Variants in RAPGEF5 observed in about 807,000 individuals in gnomAD.
RAPGEF5 encodes M-Ras-regulated GEF.
In RAPGEF5, 65 loss-of-function variants were observed where a neutral mutation model predicts 125.2. The observed-to-expected ratio is 0.52, with a 90% CI of 0.43 to 0.64. The LOEUF (loss-of-function observed/expected upper bound fraction) is 0.64, where lower values mean the gene tolerates loss of function less well. Ranked by LOEUF, RAPGEF5 falls within the 30% of genes least tolerant of loss-of-function variation. RAPGEF5 has a pLI of 0.00. For synonymous variants in RAPGEF5, 391 were observed against 385.9 expected, an observed-to-expected ratio of 1.01 and a Z score of -0.16; for missense variants, 958 against 1,048.1, an observed-to-expected ratio of 0.91 and a Z score of 1.19.
rs1387989119 is a variant in RAPGEF5, at chr7:22,318,037, T to C, written c.232A>G (p.Thr78Ala). ...RRKRSAAGGR[T>A]LSRRISNPYL... is the part of the protein sequence containing the mutation. Reference sequence around the variant, plus strand: ...GGATTAGATATTCTTCTTGATAGAGTCTATTTTAAACAAAGAAAAAAAAAA... The same window carrying C: ...GGATTAGATATTCTTCTTGATAGAGCCTATTTTAAACAAAGAAAAAAAAAA... Residue 78 changes from threonine to alanine, a missense_variant and splice_region_variant, in exon 2 of 26, where the codon ACT (threonine) becomes GCT (alanine). By Grantham distance (58) the Thr-to-Ala change is moderately conservative. Coordinates refer to ENST00000665637, the MANE Select transcript of RAPGEF5 (RefSeq NM_012294.5). The C allele has an allele frequency of 2.0e-6, 3 of 1,533,248 alleles. No individual in the cohort carries two copies. The East Asian group carries it at 7.4e-5, about 38-fold the overall frequency. The allele number at this position is 1,533,248 out of a possible 1,614,324, so 95.0% of individuals were successfully genotyped here. A position where few individuals can be genotyped will look rare whatever the true frequency, so the allele number is the denominator to read the frequency against.
At chr7:22,248,311 T>C (rs998756128) in intron 7 of RAPGEF5, among the ~76,000 whole-genome samples, 1 of 152,202 alleles carries the variant, frequency 6.6e-6, no homozygotes, top group Admixed American at 6.5e-5. Flanking sequence ...GGAGGCCTGT[T>C]ATAAACAAAA....
Position 22,287,622 on chromosome 7 carries a change from A to T in RAPGEF5, c.747+3553T>A, listed in dbSNP as rs188633777. Reference sequence around the variant, plus strand: ...GTACACTGGCAACTCTGCATTACAGACGTCACTTCTGCTTTCCTTTATCAT... The same window carrying T: ...GTACACTGGCAACTCTGCATTACAGTCGTCACTTCTGCTTTCCTTTATCAT... On this transcript the variant is annotated intron_variant, in intron 6 of 25. Transcript: ENST00000665637. Among the ~76,000 whole-genome samples, 179 of 152,326 alleles carry T rather than the reference A, an allele frequency of 1.2e-3. 1 individual carries two copies. Among genetic ancestry groups the T allele is most frequent in the African/African-American group, 4.1e-3 (171 of 41,572 alleles).
intron 6 of RAPGEF5, among the ~76,000 whole-genome samples, chr7:22,286,831 C>T (rs1244112483): frequency 6.6e-6 from 1 of 152,138 alleles, no homozygotes; most frequent in East Asian, 1.9e-4. Context: ...GTCACAAACA[C>T]TGGAAGAATT....
At chr7:22,337,998 C>T (rs1212116352) in intron 1 of RAPGEF5, among the ~76,000 whole-genome samples, 1 of 152,228 alleles carries the variant, frequency 6.6e-6, no homozygotes, top group Non-Finnish European at 1.5e-5. Flanking sequence ...TCTTTTCATA[C>T]TGCAGCAGCA....
In RAPGEF5 at chr7:22,313,020, T is replaced by C. The variant is rs543891665; in HGVS notation, c.389+2350A>G. Among the ~76,000 whole-genome samples, 216 of 152,300 alleles carry C rather than the reference T, an allele frequency of 1.4e-3. 1 individual carries two copies. Among genetic ancestry groups the C allele is most frequent in the South Asian group, 2.7e-3 (13 of 4,822 alleles). The stretch of plus-strand genomic sequence containing the variant: ...CCTACCCACAGTGTATTTTCAGTCT[T>C]GTACTCAATCCAGAAACTGCTCCAA... On this transcript the variant is annotated intron_variant, in intron 3 of 25. Transcript: ENST00000665637.
At chr7:22,229,285 C>A (rs987355615) in intron 8 of RAPGEF5, among the ~76,000 whole-genome samples, 2 of 152,148 alleles carry the variant, frequency 1.3e-5, no homozygotes, top group East Asian at 1.9e-4. Flanking sequence ...AGCCTGTGTA[C>A]AACAAGGCCA....
intron 5 of RAPGEF5, among the ~76,000 whole-genome samples, chr7:22,301,815 G>A (rs144109533): frequency 0.016 from 2,482 of 152,106 alleles, 61 homozygotes; most frequent in African/African-American, 0.056. Flanking sequence ...ATTTAGAAAT[G>A]AACTGTATGA....
intron 5 of RAPGEF5, among the ~76,000 whole-genome samples, chr7:22,295,882 G>C (rs1312116305): frequency 1.3e-5 from 2 of 152,072 alleles, no homozygotes; most frequent in African/African-American, 4.8e-5. Flanking sequence ...CATCGGAATA[G>C]CAGACTTGAA....
chr7:22,235,537 T>C (rs940817337), intron 7 of RAPGEF5, among the ~76,000 whole-genome samples: 1 of 152,184 alleles, frequency 6.6e-6, no homozygotes, highest in African/African-American at 2.4e-5. Flanking sequence ...AAGATCAAAA[T>C]GTTTTGCAAC....
intron 7 of RAPGEF5, among the ~76,000 whole-genome samples, chr7:22,255,003 T>C (rs1786721001): frequency 6.6e-6 from 1 of 151,908 alleles, no homozygotes; most frequent in Admixed American, 6.6e-5. Flanking sequence ...GGACCCCGAG[T>C]CTAACAGGTC....
chr7:22,223,614 A>G (rs1785845306), intron 8 of RAPGEF5, among the ~76,000 whole-genome samples: 1 of 152,172 alleles, frequency 6.6e-6, no homozygotes, highest in African/African-American at 2.4e-5. Flanking sequence ...GGGCATTTTC[A>G]AGAGTAATGT....
At chr7:22,340,003 A>C (rs528270417) in intron 1 of RAPGEF5, among the ~76,000 whole-genome samples, 1 of 152,288 alleles carries the variant, frequency 6.6e-6, no homozygotes, top group Non-Finnish European at 1.5e-5. Context: ...TGAGAACTTA[A>C]ATATTCTAAA....
At chr7:22,173,323 T>C (rs929123782) in intron 11 of RAPGEF5, among the ~76,000 whole-genome samples, 8 of 152,232 alleles carry the variant, frequency 5.3e-5, no homozygotes, top group Admixed American at 3.3e-4. Context: ...CTGAAAGTGA[T>C]ATTAACGACC....
intron 9 of RAPGEF5, among the ~76,000 whole-genome samples, chr7:22,210,006 T>C (rs115583582): frequency 0.012 from 1,892 of 152,326 alleles, 40 homozygotes; most frequent in African/African-American, 0.043. Flanking sequence ...GGTCTTAGAA[T>C]ATATTTTCCC....
intron 16 of RAPGEF5, among the ~76,000 whole-genome samples, chr7:22,156,072 G>A (rs904979933): frequency 9.2e-5 from 14 of 152,200 alleles, no homozygotes; most frequent in African/African-American, 3.1e-4. Flanking sequence ...AATGTAATAA[G>A]CATCCTTGTG....
At chr7:22,339,771 G>C (rs1784091863) in intron 1 of RAPGEF5, among the ~76,000 whole-genome samples, 1 of 152,164 alleles carries the variant, frequency 6.6e-6, no homozygotes. Context: ...AATGAAACTG[G>C]TTTTGACTTT....
chr7:22,287,769 T>C (rs1782831332), intron 6 of RAPGEF5, among the ~76,000 whole-genome samples: 1 of 152,248 alleles, frequency 6.6e-6, no homozygotes, highest in Non-Finnish European at 1.5e-5. Flanking sequence ...AACTATGTTA[T>C]GAAGAGGTAG....
At chr7:22,165,978 G>A (rs1784148680) in intron 12 of RAPGEF5, among the ~76,000 whole-genome samples, 1 of 150,116 alleles carries the variant, frequency 6.7e-6, no homozygotes, top group Non-Finnish European at 1.5e-5. Flanking sequence ...ATCATGCCCA[G>A]CTAGTTTTGG....
At chr7:22,223,612 T>G (rs1212477047) in intron 8 of RAPGEF5, among the ~76,000 whole-genome samples, 1 of 152,186 alleles carries the variant, frequency 6.6e-6, no homozygotes, top group Non-Finnish European at 1.5e-5. Context: ...GGGGGCATTT[T>G]CAAGAGTAAT....
Sources: allele counts gnomAD v4.1 joint callset (sites outside exome capture counted in the v4.1 genomes callset), GRCh38; gene constraint gnomAD v4.1.1; transcripts MANE v1.5; gene names NCBI Gene and HGNC (gene_info 2026-07-23, HGNC 2026-07-21).